The following PLA2G7 variants were observed in gnomAD, a reference collection of about 807,000 sequenced individuals.
PLA2G7 encodes platelet-activating factor acetylhydrolase.
PLA2G7 carries 63 observed loss-of-function variants against 49.6 expected under a neutral mutation model. That is an observed-to-expected ratio of 1.27 (90% CI 1.04 to 1.57). The LOEUF is 1.57. PLA2G7 is among the 40% of genes most tolerant of loss of function. The pLI is 0.00. For synonymous variants in PLA2G7, 193 were observed against 169.9 expected (o/e 1.14, Z -1.06); for missense variants, 596 against 521.2 (o/e 1.14, Z -1.40).
intron 2 of PLA2G7, among the ~76,000 whole-genome samples, chr6:46,720,733 G>A (rs1275055050): frequency 6.6e-6 from 1 of 152,144 alleles, no homozygotes; most frequent in Non-Finnish European, 1.5e-5. Flanking sequence ...TTTAATAGGA[G>A]GATTGGAACC....
chr6:46,724,503 A>T lies in PLA2G7; in HGVS notation c.-34-1578T>A, dbSNP rs45499497. Among the ~76,000 whole-genome samples the T allele has an allele frequency of 2.9e-3, 437 of 152,310 alleles. 1 individual carries two copies. The highest frequency in any genetic ancestry group is 0.01 in the African/African-American group (419 of 41,576). ...TATTTTGCGGGAAGATGTAATATAG[A>T]TGTGTGGCACAGACAATGAGTGCTC... On this transcript the variant is annotated intron_variant, in intron 1 of 11. Coordinates refer to ENST00000274793, the MANE Select transcript of PLA2G7 (RefSeq NM_005084.4).
chr6:46,725,593 G>GA (rs575174125), intron 1 of PLA2G7, among the ~76,000 whole-genome samples: 3 of 150,762 alleles, frequency 2.0e-5, no homozygotes, highest in South Asian at 2.1e-4. Flanking sequence ...CTTTTGATCA[G>GA]AAAAAAAAGG....
At chr6:46,706,103 A>C (rs1764817242) in intron 10 of PLA2G7, among the ~76,000 whole-genome samples, 1 of 152,146 alleles carries the variant, frequency 6.6e-6, no homozygotes, top group South Asian at 2.1e-4. Context: ...TTATCATGTA[A>C]ATTATGTAAT....
intron 2 of PLA2G7, 34 bp downstream of exon 2, chr6:46,722,749 G>A (rs201752690): frequency 1.2e-5 from 16 of 1,283,144 alleles, no homozygotes; most frequent in Admixed American, 1.7e-5. Context: ...CGACAGATCA[G>A]TTGCTCAAGA....
Position 46,704,644 on chromosome 6 carries a change from C to G in PLA2G7, c.1242G>C (p.Glu414Asp). 6.3e-7 allele frequency: 1 copy of G among 1,577,892 alleles called. No homozygotes were observed. Among genetic ancestry groups the G allele is most frequent in the Non-Finnish European group, 8.7e-7 (1 of 1,146,968 alleles). Residue 414 changes from glutamate to aspartate, a missense_variant, in exon 12 of 12, where the codon GAG becomes GAC. Transcript: ENST00000274793. ...TAATGTTGGTCCCTGGAATAAGATT[C>G]TCATCATCTCCTTCAATCAAGCAGT... ...QWDCLIEGDD[E>D]NLIPGTNINT...
chr6:46,704,686 T>C lies in PLA2G7; in HGVS notation c.1200A>G (p.Lys400=). Residue 400 remains lysine, a synonymous_variant, in exon 12 of 12, where the codon AAA becomes AAG. Transcript: ENST00000274793. Reference sequence around the variant, plus strand: ...TCAAGCAGTCCCACTGATCAAAATCTTTATGAAGTCCTATAAAATATAAAG... The same window carrying C: ...TCAAGCAGTCCCACTGATCAAAATCCTTATGAAGTCCTATAAAATATAAAG... ...AFLQKHLGLH[K]DFDQWDCLIE... 1 of 1,573,566 alleles carries C rather than the reference T, an allele frequency of 6.4e-7. No individual in the cohort carries two copies. The highest frequency in any genetic ancestry group is 8.7e-7 in the Non-Finnish European group (1 of 1,143,216).
At chr6:46,726,651 C>T (rs993781155) in intron 1 of PLA2G7, among the ~76,000 whole-genome samples, 6 of 147,090 alleles carry the variant, frequency 4.1e-5, no homozygotes, top group Non-Finnish European at 7.5e-5. Flanking sequence ...AAAACACAAA[C>T]TTTTTTTTTT....
At chr6:46,705,652 G>C (rs1485490972) in intron 10 of PLA2G7, among the ~76,000 whole-genome samples, 3 of 152,200 alleles carry the variant, frequency 2.0e-5, no homozygotes, top group African/African-American at 7.2e-5. Context: ...CAGAGCCAGA[G>C]CCTGCTACCT....
chr6:46,721,738 ATAT>A (rs2150706454), intron 2 of PLA2G7, among the ~76,000 whole-genome samples: 1 of 151,938 alleles, frequency 6.6e-6, no homozygotes, highest in South Asian at 2.1e-4. Context: ...GACCTGTGAG[ATAT>A]TATTCTATTT....
chr6:46,708,202 CA>C, intron 9 of PLA2G7, 41 bp from the exon 10 acceptor site: 2 of 1,458,172 alleles, frequency 1.4e-6, no homozygotes, highest in Non-Finnish European at 1.9e-6. Context: ...AAACTGGTTA[CA>C]TACTAGCCAA....
intron 5 of PLA2G7, 32 bp downstream of exon 5, chr6:46,714,428 A>G: frequency 7.5e-7 from 1 of 1,333,732 alleles, no homozygotes; most frequent in Non-Finnish European, 1.1e-6. Context: ...TTATTCCTGG[A>G]AGCCAAAATT....
intron 9 of PLA2G7, 120 bp downstream of exon 9, chr6:46,709,207 A>C: frequency 1.5e-6 from 1 of 674,208 alleles, no homozygotes; most frequent in Non-Finnish European, 2.6e-6. Flanking sequence ...GCAAAAGAAT[A>C]GCCTTATAAA....
At chr6:46,713,498 G>A (rs1177650221) in intron 5 of PLA2G7, among the ~76,000 whole-genome samples, 1 of 152,186 alleles carries the variant, frequency 6.6e-6, no homozygotes, top group Non-Finnish European at 1.5e-5. Flanking sequence ...GCAGTGGGCT[G>A]GATTTGGCCC....
At chr6:46,720,900 C>G (rs1402720755) in intron 2 of PLA2G7, among the ~76,000 whole-genome samples, 2 of 152,194 alleles carry the variant, frequency 1.3e-5, no homozygotes, top group Non-Finnish European at 2.9e-5. Flanking sequence ...GAGGATATCT[C>G]TAGCCCATTC....
Position 46,716,255 on chromosome 6 carries a change from C to T in PLA2G7, c.376+129G>A, listed in dbSNP as rs547544726. 2.4e-5 allele frequency: 22 copies of T among 917,432 alleles called. No individual in the cohort carries two copies. In the African/African-American group the frequency reaches 3.0e-4, roughly 12 times the overall value. 56.8% of individuals were successfully genotyped at this position (917,432 alleles called of 1,614,324 possible). On this transcript the variant is annotated intron_variant, in intron 4 of 11. Coordinates refer to ENST00000274793, the MANE Select transcript of PLA2G7 (RefSeq NM_005084.4). The stretch of plus-strand genomic sequence containing the variant: ...TGCCTGGGCTTTAAAGAAATACTTT[C>T]CTTATCATTTTAGGAGCTATTTGGA...
chr6:46,713,999 C>G (rs1582570032), intron 5 of PLA2G7, among the ~76,000 whole-genome samples: 1 of 152,214 alleles, frequency 6.6e-6, no homozygotes, highest in East Asian at 1.9e-4. Context: ...CTCTTCTTAT[C>G]CAATCCTTCT....
intron 10 of PLA2G7, among the ~76,000 whole-genome samples, chr6:46,707,560 C>T (rs1764867873): frequency 6.6e-6 from 1 of 152,064 alleles, no homozygotes; most frequent in Non-Finnish European, 1.5e-5. Flanking sequence ...GTACCTTCAC[C>T]CATCCCTCTC....
chr6:46,723,115 T>C (rs1023572885), intron 1 of PLA2G7, among the ~76,000 whole-genome samples, 190 bp from the exon 2 acceptor site: 1 of 152,192 alleles, frequency 6.6e-6, no homozygotes, highest in Admixed American at 6.5e-5. Flanking sequence ...TTACCTACAT[T>C]ACTAAGGATT....
chr6:46,734,415 TGAGAGAGAGAGAGAGAGA>T (rs70996386), intron 1 of PLA2G7, among the ~76,000 whole-genome samples: 1,042 of 54,258 alleles, frequency 0.019, 153 homozygotes, highest in Admixed American at 0.053. Flanking sequence ...TGTGTGTGTG[TGAGAGAGAGAGAGAGAGA>T]GAGAGAGAGA....
Sources: gnomAD v4.1 joint callset for allele counts (sites outside exome capture counted in the v4.1 genomes callset) on GRCh38, gnomAD v4.1.1 for gene constraint, MANE v1.5 for transcripts, NCBI Gene and HGNC (gene_info 2026-07-23, HGNC 2026-07-21) for gene names.